Variants in CFAP46 observed in about 807,000 individuals in gnomAD.
The protein encoded by CFAP46 is cilia- and flagella-associated protein 46.
Under a neutral mutation model 325.7 loss-of-function variants are expected in CFAP46, and 245 were observed. That is an observed-to-expected ratio of 0.75 (90% confidence interval 0.68 to 0.84). CFAP46 has a LOEUF of 0.84. CFAP46 is among the 40% of genes least tolerant of loss of function. CFAP46 has a pLI of 0.00. For synonymous variants in CFAP46, 1,523 were observed against 1,495.9 expected (o/e 1.02, Z -0.42); for missense variants, 3,346 against 3,543.0 (o/e 0.94, Z 1.41).
At chr10:132,848,480 G>A (rs1393242896) in intron 41 of CFAP46, among the ~76,000 whole-genome samples, 1 of 151,894 alleles carries the variant, frequency 6.6e-6, no homozygotes, top group Non-Finnish European at 1.5e-5. Context: ...GTCATCAGCC[G>A]GCTGCCAGGG....
chr10:132,847,434 T>A lies in CFAP46; in HGVS notation c.5953-113A>T. On this transcript the variant is annotated intron_variant, in intron 41 of 57. Transcript: ENST00000368586. This position sits in a 1 kb window ranked among gnomAD's most constrained non-coding sequence, Gnocchi z 5.2. Reference sequence around the variant, plus strand: ...CGGGCTCCTCAGCAGGGTCCCCGGGTAGGGGGTACCGCAGGCCACAGCATG... The same window carrying A: ...CGGGCTCCTCAGCAGGGTCCCCGGGAAGGGGGTACCGCAGGCCACAGCATG... The A allele has an allele frequency of 7.6e-7, 1 of 1,309,318 alleles. No individual in the cohort carries two copies. The highest frequency in any genetic ancestry group is 1.1e-6 in the Non-Finnish European group (1 of 932,740). The allele number at this position is 1,309,318 out of a possible 1,614,324, so 81.1% of individuals were successfully genotyped here. A position where few individuals can be genotyped will look rare whatever the true frequency, so the allele number is the denominator to read the frequency against.
intron 6 of CFAP46, chr10:132,937,266 T>C (rs1452693650): frequency 7.5e-6 from 4 of 533,572 alleles, no homozygotes; most frequent in Non-Finnish European, 1.3e-5. Flanking sequence ...TTGTGAATTT[T>C]CTATTAACTT....
Position 132,860,833 on chromosome 10 carries a change from C to G in CFAP46, c.5040G>C (p.Leu1680=). 1 of 1,551,098 alleles carries G rather than the reference C, an allele frequency of 6.4e-7. No homozygotes were observed. Among genetic ancestry groups the G allele is most frequent in the South Asian group, 1.2e-5 (1 of 84,050 alleles). Residue 1680 remains leucine (L), a synonymous_variant, in exon 36 of 58, where the codon CTG becomes CTC. Coordinates refer to ENST00000368586, the MANE Select transcript of CFAP46 (RefSeq NM_001200049.3). ...TGGACAAGAGCGCCTCTGCCAGGGT[C>G]AGAGTGGAATTGTACCAGAACTCCT... The part of the protein sequence containing the change: ...GSEEFWYNST[L]TLAEALLSME...
intron 50 of CFAP46, among the ~76,000 whole-genome samples, chr10:132,824,306 CTG>C (rs1345157477): frequency 2.6e-5 from 3 of 117,140 alleles, no homozygotes; most frequent in East Asian, 2.8e-4. Context: ...GTGCTGTGTG[CTG>C]TGTGTGCACT....
chr10:132,827,598 G>C lies in CFAP46; in HGVS notation c.7117+5760C>G, dbSNP rs752357836. The stretch of plus-strand genomic sequence containing the variant: ...AGAGTCCAATTTGAGCATTGTTCAG[G>C]TTCAACTGACCACAGGGAGCTGCCT... On this transcript the variant is annotated intron_variant, in intron 50 of 57. Transcript: ENST00000368586. The surrounding 1 kb of genome is among the most constrained non-coding windows in gnomAD (Gnocchi z 5.7). Among the ~76,000 whole-genome samples the C allele has an allele frequency of 2.8e-4, 42 of 152,078 alleles. No homozygotes were observed. Among genetic ancestry groups the C allele is most frequent in the Admixed American group, 1.3e-4 (2 of 15,266 alleles).
In CFAP46 at chr10:132,836,174, G is replaced by A. The variant is rs775075708; in HGVS notation, c.6581C>T (p.Thr2194Ile). The change falls in exon 46 of 58, where the codon ACT (threonine) becomes ATT (isoleucine). Residue 2194 changes from threonine to isoleucine, a missense_variant. Thr to Ile is a moderately conservative substitution (Grantham distance 89). Transcript: ENST00000368586. ...GAAYEKPKFI[T>I]AAKGKVQAVG... is the part of the protein sequence containing the mutation. ...CGCCTGCACCTTTCCTTTGGCTGCA[G>A]TAATGAACTTGGGTTTCTCGTAGGC... 2 of 1,610,040 alleles carry A rather than the reference G, an allele frequency of 1.2e-6. No individual in the cohort carries two copies. The highest frequency in any genetic ancestry group is 1.7e-6 in the Non-Finnish European group (2 of 1,179,342).
chr10:132,877,727 C>G lies in CFAP46; in HGVS notation c.4212+154G>C, dbSNP rs1013142730. Among the ~76,000 whole-genome samples the G allele has an allele frequency of 6.6e-6, 1 of 151,378 alleles. No homozygotes were observed. Among genetic ancestry groups the G allele is most frequent in the Non-Finnish European group, 1.5e-5 (1 of 67,702 alleles). ...GGCCACCTGGGGCTCCTCCGAGAAC[C>G]CTGACAGGCAGGGAAACTGAGGCAC... On this transcript the variant is annotated intron_variant, in intron 30 of 57. Coordinates refer to ENST00000368586, the MANE Select transcript of CFAP46 (RefSeq NM_001200049.3). The surrounding 1 kb of genome is among the most constrained non-coding windows in gnomAD (Gnocchi z 5.7).
At chr10:132,924,549 G>A in intron 11 of CFAP46, 147 bp downstream of exon 11, 1 of 743,398 alleles carries the variant, frequency 1.3e-6, no homozygotes, top group Non-Finnish European at 1.9e-6. Flanking sequence ...CCGGAGCTGG[G>A]ACAGAGGGTG....
At chr10:132,855,357 A>G (rs950759362) in intron 39 of CFAP46, among the ~76,000 whole-genome samples, 1 of 152,130 alleles carries the variant, frequency 6.6e-6, no homozygotes, top group Non-Finnish European at 1.5e-5. Context: ...CTTTCTTTTC[A>G]TTAGTGTTAG....
Position 132,908,470 on chromosome 10 carries a change from C to G in CFAP46, c.2922G>C (p.Gly974=), listed in dbSNP as rs1849491652. 1.3e-6 allele frequency: 2 copies of G among 1,550,420 alleles called. No individual in the cohort carries two copies. Among genetic ancestry groups the G allele is most frequent in the Non-Finnish European group, 1.7e-6 (2 of 1,146,992 alleles). The change falls in exon 22 of 58, where the codon GGG becomes GGC. Residue 974 remains glycine, a splice_region_variant and synonymous_variant. Coordinates refer to ENST00000368586, the MANE Select transcript of CFAP46 (RefSeq NM_001200049.3). ...EMGIKYLKKF[G]PEESRLVAEM... ...GTCCAGTCATGAGGGTTACTTACGGCCCAAATTTCTTCAGGTACTTGATGC... is the reference window on the plus strand; with the variant it reads ...GTCCAGTCATGAGGGTTACTTACGGGCCAAATTTCTTCAGGTACTTGATGC...
At chr10:132,892,493 C>A (rs1022453468) in intron 24 of CFAP46, 76 bp from the exon 25 acceptor site, 34 of 1,335,702 alleles carry the variant, frequency 2.5e-5, no homozygotes, top group Non-Finnish European at 3.4e-5. Flanking sequence ...AAGAAACTCC[C>A]CCTCTGAGCT....
Position 132,880,922 on chromosome 10 carries a change from G to A in CFAP46, c.3738C>T (p.Val1246=), listed in dbSNP as rs200941339. 7.1e-3 allele frequency: 11,050 copies of A among 1,550,346 alleles called. 68 individuals are homozygous for A. Among genetic ancestry groups the A allele is most frequent in the South Asian group, 9.4e-3 (786 of 84,060 alleles). ...EDVVFHLRWA[V]EILLAMKPPG... is the part of the protein sequence containing the mutation. ...GCGGCTTCATGGCCAGCAGGATCTC[G>A]ACAGCCCAGCGGAGGTGGAAGACCA... Residue 1246 remains valine (V), a synonymous_variant, in exon 28 of 58, where the codon GTC becomes GTT. Coordinates refer to ENST00000368586, the MANE Select transcript of CFAP46 (RefSeq NM_001200049.3).
In CFAP46 at chr10:132,827,825, T is replaced by C. The variant is rs1848084226; in HGVS notation, c.7117+5533A>G. ...AGCAACTTACCTGCCTTCTGACTTG[T>C]ACATTGGTTTGTATTTCCCAGGCTT... On this transcript the variant is annotated intron_variant, in intron 50 of 57. Coordinates refer to ENST00000368586, the MANE Select transcript of CFAP46 (RefSeq NM_001200049.3). This position sits in a 1 kb window ranked among gnomAD's most constrained non-coding sequence, Gnocchi z 5.7. Among the ~76,000 whole-genome samples the C allele has an allele frequency of 6.6e-6, 1 of 151,638 alleles. No homozygotes were observed. The highest frequency in any genetic ancestry group is 1.5e-5 in the Non-Finnish European group (1 of 67,928).
In CFAP46 at chr10:132,922,503, T is replaced by G; in HGVS notation, c.1462A>C (p.Lys488Gln). ...LYQAPERAED[K>Q]AIMAVEQAKK... is the part of the protein sequence containing the mutation. ...ACCTGCTCAACGGCCATGATGGCCTTGTCCTCTGCGCGCTCAGGGGCCTGG... is the reference window on the plus strand; with the variant it reads ...ACCTGCTCAACGGCCATGATGGCCTGGTCCTCTGCGCGCTCAGGGGCCTGG... Residue 488 changes from lysine to glutamine, a missense_variant, in exon 12 of 58, where the codon AAG becomes CAG. Coordinates refer to ENST00000368586, the MANE Select transcript of CFAP46 (RefSeq NM_001200049.3). The G allele has an allele frequency of 2.5e-5, 38 of 1,543,486 alleles. No homozygotes were observed. Among genetic ancestry groups the G allele is most frequent in the Non-Finnish European group, 3.3e-5 (38 of 1,144,320 alleles).
chr10:132,830,344 A>G (rs766389051), intron 50 of CFAP46, among the ~76,000 whole-genome samples: 10 of 152,156 alleles, frequency 6.6e-5, no homozygotes, highest in Non-Finnish European at 1.5e-4. Context: ...GGGTTTCACC[A>G]TCTTGGCCAG....
chr10:132,858,230 C>T (rs1009107547), intron 38 of CFAP46, among the ~76,000 whole-genome samples: 1 of 151,888 alleles, frequency 6.6e-6, no homozygotes, highest in African/African-American at 2.4e-5. Context: ...GTCCGGGGGC[C>T]ATAGGTTGGG....
intron 44 of CFAP46, among the ~76,000 whole-genome samples, chr10:132,838,586 T>A (rs1284979154): frequency 1.3e-5 from 2 of 152,264 alleles, no homozygotes; most frequent in Non-Finnish European, 2.9e-5. Flanking sequence ...CCTTCCTCCC[T>A]GCAGATGCCA....
At chr10:132,906,211 C>A (rs1254759786) in intron 22 of CFAP46, among the ~76,000 whole-genome samples, 1 of 152,238 alleles carries the variant, frequency 6.6e-6, no homozygotes, top group African/African-American at 2.4e-5. Context: ...CATGGCAGTG[C>A]CAGGCCAGCA....
Position 132,941,609 on chromosome 10 carries a change from C to T in CFAP46, c.288G>A (p.Pro96=), listed in dbSNP as rs781544267. 6 of 1,613,368 alleles carry T rather than the reference C, an allele frequency of 3.7e-6. No individual in the cohort carries two copies. Among genetic ancestry groups the T allele is most frequent in the East Asian group, 2.2e-5 (1 of 44,854 alleles). ...CTCTCACCAGGTTTTCTGCCGACTT[C>T]GGGGCACACATCTGGGCCCTGCACA... ...AHLCRAQMCA[P]KSAENLEEFE... is the part of the protein sequence containing the mutation. Residue 96 remains proline (P), a synonymous_variant, in exon 3 of 58, where the codon CCG becomes CCA. Coordinates refer to ENST00000368586, the MANE Select transcript of CFAP46 (RefSeq NM_001200049.3).
Sources: allele counts gnomAD v4.1 joint callset (sites outside exome capture counted in the v4.1 genomes callset), GRCh38; gene constraint gnomAD v4.1.1; non-coding constraint Gnocchi (gnomAD v3.1); transcripts MANE v1.5; gene names NCBI Gene and HGNC (gene_info 2026-07-23, HGNC 2026-07-21).